The following SGPP2 variants were observed in gnomAD, a reference collection of about 807,000 sequenced individuals.
The protein encoded by SGPP2 is sphingosine 1-phosphate phosphohydrolase 2.
SGPP2 carries 30 observed loss-of-function variants against 33.9 expected under a neutral mutation model. That is an observed-to-expected ratio of 0.89 (90% confidence interval 0.66 to 1.20). SGPP2 has a LOEUF of 1.20. Among genes scored for constraint, SGPP2 ranks in the 50% most tolerant of loss-of-function variants. The pLI is 0.00. For synonymous variants in SGPP2, 233 were observed against 225.0 expected (o/e 1.04, Z -0.32); for missense variants, 458 against 532.1 (o/e 0.86, Z 1.37).
intron 1 of SGPP2, among the ~76,000 whole-genome samples, chr2:222,440,956 C>G (rs1697316865): frequency 6.6e-6 from 1 of 152,212 alleles, no homozygotes; most frequent in South Asian, 2.1e-4. Flanking sequence ...CTGCATGACT[C>G]TAGCTGGTAT....
At chr2:222,463,326 C>A (rs1697694205) in intron 1 of SGPP2, among the ~76,000 whole-genome samples, 1 of 152,170 alleles carries the variant, frequency 6.6e-6, no homozygotes, top group Non-Finnish European at 1.5e-5. Context: ...AAGCAAAGGG[C>A]TGGATTCAAG....
intron 4 of SGPP2, among the ~76,000 whole-genome samples, chr2:222,544,878 G>A (rs1689157895): frequency 6.6e-6 from 1 of 152,094 alleles, no homozygotes; most frequent in African/African-American, 2.4e-5. Context: ...TGTTAGTTAT[G>A]GACAAGGGGC....
chr2:222,491,801 C>CA (rs1280443099), intron 2 of SGPP2, among the ~76,000 whole-genome samples: 1 of 152,256 alleles, frequency 6.6e-6, no homozygotes, highest in Admixed American at 6.5e-5. Flanking sequence ...ATCCACAGTC[C>CA]AAAGTCTCAT....
chr2:222,518,406 T>C (rs1021108744), intron 2 of SGPP2, among the ~76,000 whole-genome samples: 6 of 152,238 alleles, frequency 3.9e-5, no homozygotes, highest in African/African-American at 7.2e-5. Context: ...CTGATGATTT[T>C]AAGTATTTTT....
intron 4 of SGPP2, among the ~76,000 whole-genome samples, chr2:222,526,325 G>A (rs1174627082): frequency 2.0e-5 from 3 of 152,174 alleles, no homozygotes; most frequent in African/African-American, 7.2e-5. Context: ...GGTGAAGGCG[G>A]GCCTCAGATC....
chr2:222,497,650 A>G (rs1452137287), intron 2 of SGPP2, among the ~76,000 whole-genome samples: 5 of 152,248 alleles, frequency 3.3e-5, no homozygotes, highest in Non-Finnish European at 7.3e-5. Flanking sequence ...ACTATGTGCT[A>G]AGTGGTACAG....
chr2:222,509,839 C>G (rs544202326), intron 2 of SGPP2, among the ~76,000 whole-genome samples: 8 of 152,160 alleles, frequency 5.3e-5, no homozygotes, highest in Admixed American at 2.6e-4. Flanking sequence ...TAACCATCAC[C>G]ACTATCTCAC....
chr2:222,482,341 T>G (rs1347240072), intron 2 of SGPP2, among the ~76,000 whole-genome samples: 1 of 152,242 alleles, frequency 6.6e-6, no homozygotes, highest in Non-Finnish European at 1.5e-5. Context: ...TCCTGATATC[T>G]TCTTCTTTAT....
chr2:222,528,481 T>G (rs1360881107), intron 4 of SGPP2, among the ~76,000 whole-genome samples: 1 of 152,236 alleles, frequency 6.6e-6, no homozygotes, highest in South Asian at 2.1e-4. Flanking sequence ...AATAATTTAC[T>G]GCTAAAAAAT....
intron 2 of SGPP2, among the ~76,000 whole-genome samples, chr2:222,479,523 C>T (rs1697997536): frequency 6.6e-6 from 1 of 151,486 alleles, no homozygotes; most frequent in African/African-American, 2.4e-5. Flanking sequence ...CTGCCTCAGC[C>T]TCCCAAGTAG....
chr2:222,476,884 ATG>A lies in SGPP2; in HGVS notation c.378+2164_378+2165del, dbSNP rs1307461487. ...TGTGTATATATAGGTGTGTGTATAT[ATG>A]TGTGTTTATTGTATGTATATAGATG... On this transcript the variant is annotated intron_variant, in intron 2 of 4. Coordinates refer to ENST00000321276, the MANE Select transcript of SGPP2 (RefSeq NM_152386.4). The surrounding 1 kb of genome is among the most constrained non-coding windows in gnomAD (Gnocchi z 4.3). Among the ~76,000 whole-genome samples the A allele has an allele frequency of 2.7e-5, 4 of 150,496 alleles. No homozygotes were observed. Among genetic ancestry groups the A allele is most frequent in the South Asian group, 2.1e-4 (1 of 4,734 alleles).
intron 4 of SGPP2, among the ~76,000 whole-genome samples, chr2:222,540,563 C>A (rs549399107): frequency 6.6e-6 from 1 of 152,276 alleles, no homozygotes; most frequent in South Asian, 2.1e-4. Flanking sequence ...TGTATACATT[C>A]TCCCCCAGCA....
At chr2:222,501,960 T>G (rs1698374115) in intron 2 of SGPP2, among the ~76,000 whole-genome samples, 1 of 152,198 alleles carries the variant, frequency 6.6e-6, no homozygotes, top group Non-Finnish European at 1.5e-5. Context: ...TCTCAATCTT[T>G]ATGGTGAAAC....
rs59455252 is a variant in SGPP2, at chr2:222,535,377, C to CAA, written c.648+10358_648+10359dup. Among the ~76,000 whole-genome samples the CAA allele has an allele frequency of 8.9e-3, 955 of 106,838 alleles. 11 individuals are homozygous for CAA. The highest frequency in any genetic ancestry group is 0.032 in the African/African-American group (909 of 28,098). The allele number at this position is 106,838 out of a possible 152,430, so 70.1% of individuals were successfully genotyped here. ...TGGGTGACAGAGCGAGACTCTGTCTCAAAAAAAAAAAAAAAGCCACAGTGG... is the reference window on the plus strand; with the variant it reads ...TGGGTGACAGAGCGAGACTCTGTCTCAAAAAAAAAAAAAAAAAGCCACAGTGG... On this transcript the variant is annotated intron_variant, in intron 4 of 4. Coordinates refer to ENST00000321276, the MANE Select transcript of SGPP2 (RefSeq NM_152386.4).
At chr2:222,512,263 G>A (rs145179715) in intron 2 of SGPP2, among the ~76,000 whole-genome samples, 107 of 152,050 alleles carry the variant, frequency 7.0e-4, no homozygotes, top group Middle Eastern at 3.4e-3. Flanking sequence ...CGCCTGCCTC[G>A]GCCTCCCAAA....
chr2:222,424,891 C>G (rs1697037229), intron 1 of SGPP2, 70 bp downstream of exon 1: 1 of 1,195,554 alleles, frequency 8.4e-7, no homozygotes, highest in African/African-American at 1.6e-5. Flanking sequence ...CCTGCGACTC[C>G]GCCACGCGGG....
In SGPP2 at chr2:222,477,775, A is replaced by G. The variant is rs1212762292; in HGVS notation, c.378+3049A>G. ...TGGGAAGACCTCTAGACTCTATAGA[A>G]GGCTGTGGCTAGGGGACACTCTCGT... is the stretch of plus-strand genomic sequence containing the variant. On this transcript the variant is annotated intron_variant, in intron 2 of 4. Transcript: ENST00000321276. This position sits in a 1 kb window ranked among gnomAD's most constrained non-coding sequence, Gnocchi z 6.0. Among the ~76,000 whole-genome samples the G allele has an allele frequency of 6.6e-6, 1 of 152,124 alleles. No individual in the cohort carries two copies.
chr2:222,495,900 G>A lies in SGPP2; in HGVS notation c.378+21174G>A, dbSNP rs564765190. On this transcript the variant is annotated intron_variant, in intron 2 of 4. Transcript: ENST00000321276. ...CCCTTACCACACAGAATAGGCTGAC[G>A]TCAGGGTACACATGGTTTTAGTATC... Among the ~76,000 whole-genome samples, 36 of 152,200 alleles carry A rather than the reference G, an allele frequency of 2.4e-4. No homozygotes were observed. In the South Asian group the frequency reaches 7.1e-3, roughly 30 times the overall value.
At chr2:222,472,789 C>T (rs1286823924) in intron 1 of SGPP2, among the ~76,000 whole-genome samples, 1 of 152,178 alleles carries the variant, frequency 6.6e-6, no homozygotes, top group African/African-American at 2.4e-5. Flanking sequence ...CCAAGGCAGG[C>T]AGATTACCTG....
Sources: gnomAD v4.1 joint callset for allele counts (sites outside exome capture counted in the v4.1 genomes callset) on GRCh38, gnomAD v4.1.1 for gene constraint, Gnocchi (gnomAD v3.1) non-coding constraint, MANE v1.5 for transcripts, NCBI Gene and HGNC (gene_info 2026-07-23, HGNC 2026-07-21) for gene names.